Variants in CCSER1 observed in about 807,000 individuals in gnomAD.
CCSER1 encodes coiled-coil serine rich protein 1.
Under a neutral mutation model 82.0 loss-of-function variants are expected in CCSER1, and 41 were observed. The observed-to-expected ratio is 0.50, with a 90% CI of 0.39 to 0.65. CCSER1 has a LOEUF of 0.65. Among genes scored for constraint, CCSER1 ranks in the 30% least tolerant of loss-of-function variants. The pLI, the probability that CCSER1 is intolerant of heterozygous loss-of-function variation, is 0.00. For missense variants in CCSER1, 1,119 were observed against 1,064.2 expected, an observed-to-expected ratio of 1.05 and a Z score of -0.72; for synonymous variants, 414 against 383.9, an observed-to-expected ratio of 1.08 and a Z score of -0.92.
chr4:90,921,705 C>A (rs1476229708), intron 8 of CCSER1, among the ~76,000 whole-genome samples: 1 of 152,088 alleles, frequency 6.6e-6, no homozygotes. Context: ...ATAATGGAAG[C>A]ATTTGGCAGC....
At chr4:91,386,825 CCAGA>C (rs1228827590) in intron 10 of CCSER1, among the ~76,000 whole-genome samples, 4 of 151,846 alleles carry the variant, frequency 2.6e-5, no homozygotes, top group Admixed American at 1.3e-4. Context: ...TGAGCAAACA[CCAGA>C]CAAACTCAAA....
chr4:90,611,410 T>A (rs1785484621), intron 5 of CCSER1, among the ~76,000 whole-genome samples: 1 of 152,130 alleles, frequency 6.6e-6, no homozygotes, highest in Non-Finnish European at 1.5e-5. Flanking sequence ...AGTGCTTTAG[T>A]CCTTTGAAGC....
At chr4:91,039,730 A>C (rs188368582) in intron 9 of CCSER1, among the ~76,000 whole-genome samples, 1 of 151,796 alleles carries the variant, frequency 6.6e-6, no homozygotes, top group Non-Finnish European at 1.5e-5. Flanking sequence ...TCTGTAAAAA[A>C]TTTTTTAATG....
intron 3 of CCSER1, chr4:90,325,728 A>T: frequency 2.7e-6 from 1 of 376,244 alleles, no homozygotes; most frequent in Non-Finnish European, 5.6e-6. Context: ...TATTCATTTT[A>T]GACAATGAAG....
chr4:90,661,378 G>C (rs950698615), intron 6 of CCSER1, among the ~76,000 whole-genome samples: 2 of 152,146 alleles, frequency 1.3e-5, no homozygotes, highest in Non-Finnish European at 2.9e-5. Context: ...TGCTTCAGGA[G>C]TGTGCAGTTG....
intron 1 of CCSER1, among the ~76,000 whole-genome samples, chr4:90,139,665 A>G (rs185326287): frequency 1.2e-3 from 177 of 152,292 alleles, no homozygotes; most frequent in Middle Eastern, 6.8e-3. Context: ...AAAAGTATGA[A>G]AATGAAGCTC....
rs561103794 is a variant in CCSER1, at chr4:90,738,768, G to A, written c.2010+14777G>A. ...GCCAACACTACCCCAGGCCTAGGGT[G>A]AGCAATGCCTGGCTGCTGTCGATGT... On this transcript the variant is annotated intron_variant, in intron 7 of 10. Transcript: ENST00000509176. Among the ~76,000 whole-genome samples, 5 of 152,304 alleles carry A rather than the reference G, an allele frequency of 3.3e-5. No homozygotes were observed. The East Asian group carries it at 9.7e-4, about 29-fold the overall frequency.
At chr4:90,700,570 T>C (rs1179192083) in intron 6 of CCSER1, among the ~76,000 whole-genome samples, 2 of 152,228 alleles carry the variant, frequency 1.3e-5, no homozygotes, top group African/African-American at 4.8e-5. Context: ...CCACACTGTC[T>C]TCCACAATGG....
chr4:90,841,790 T>G (rs1762605764), intron 8 of CCSER1, among the ~76,000 whole-genome samples: 3 of 152,114 alleles, frequency 2.0e-5, no homozygotes, highest in Admixed American at 2.0e-4. Context: ...CTCTTCTGAG[T>G]GTTGTCTTGG....
intron 9 of CCSER1, among the ~76,000 whole-genome samples, chr4:90,928,393 A>G (rs1729326502): frequency 1.3e-5 from 2 of 152,094 alleles, no homozygotes; most frequent in Admixed American, 6.6e-5. Flanking sequence ...TCATGCTTTC[A>G]TTCAACAAAT....
At chr4:90,454,627 A>G (rs1761939871) in intron 4 of CCSER1, among the ~76,000 whole-genome samples, 1 of 151,998 alleles carries the variant, frequency 6.6e-6, no homozygotes, top group South Asian at 2.1e-4. Flanking sequence ...TCCTCCAATG[A>G]TACTACTATT....
intron 9 of CCSER1, among the ~76,000 whole-genome samples, chr4:90,925,928 T>A (rs1005359306): frequency 6.6e-6 from 1 of 152,070 alleles, no homozygotes; most frequent in African/African-American, 2.4e-5. Flanking sequence ...GTAACTGTAA[T>A]ACTAAACTTT....
At chr4:90,411,638 A>G (rs1457654172) in intron 4 of CCSER1, among the ~76,000 whole-genome samples, 6 of 152,216 alleles carry the variant, frequency 3.9e-5, no homozygotes, top group East Asian at 1.9e-4. Flanking sequence ...AACATGAGCT[A>G]TCTATGACAA....
At chr4:91,416,320 T>C (rs901112177) in intron 10 of CCSER1, among the ~76,000 whole-genome samples, 3 of 151,940 alleles carry the variant, frequency 2.0e-5, no homozygotes, top group African/African-American at 7.3e-5. Flanking sequence ...TAAACTACCA[T>C]TGACATTCTT....
chr4:91,375,534 T>TTAA (rs575019171), intron 10 of CCSER1, among the ~76,000 whole-genome samples: 2,573 of 151,814 alleles, frequency 0.017, 45 homozygotes, highest in African/African-American at 0.058. Flanking sequence ...TTTTTTTTTT[T>TTAA]TAAGACAACT....
intron 3 of CCSER1, among the ~76,000 whole-genome samples, chr4:90,368,164 A>G (rs1312495955): frequency 1.3e-5 from 2 of 151,960 alleles, no homozygotes; most frequent in Non-Finnish European, 2.9e-5. Flanking sequence ...ATGAACAGAA[A>G]GTGTGATCTG....
chr4:90,733,080 A>G (rs2149410788), intron 7 of CCSER1, among the ~76,000 whole-genome samples: 1 of 152,286 alleles, frequency 6.6e-6, no homozygotes, highest in African/African-American at 2.4e-5. Flanking sequence ...TGGTACATCT[A>G]TTTTTAGTTT....
At chr4:91,107,777 A>G (rs1323926236) in intron 10 of CCSER1, among the ~76,000 whole-genome samples, 1 of 152,100 alleles carries the variant, frequency 6.6e-6, no homozygotes, top group African/African-American at 2.4e-5. Context: ...TGTGGGAAAG[A>G]CATTAAGGCA....
chr4:90,211,572 T>C (rs1030164128), intron 1 of CCSER1, among the ~76,000 whole-genome samples: 1 of 152,206 alleles, frequency 6.6e-6, no homozygotes, highest in Non-Finnish European at 1.5e-5. Context: ...TGACTCTGCT[T>C]TCAAATGGAG....
Sources: gnomAD v4.1 joint callset for allele counts (sites outside exome capture counted in the v4.1 genomes callset) on GRCh38, gnomAD v4.1.1 for gene constraint, MANE v1.5 for transcripts, NCBI Gene and HGNC (gene_info 2026-07-23, HGNC 2026-07-21) for gene names.